The following FLRT2 variants were observed in gnomAD, a reference collection of about 807,000 sequenced individuals.
FLRT2 encodes fibronectin leucine rich transmembrane protein 2.
A neutral mutation model predicts 40.0 loss-of-function variants in FLRT2; 15 were observed. The observed-to-expected ratio is 0.38, with a 90% confidence interval of 0.25 to 0.58. FLRT2 has a LOEUF of 0.58. Among genes scored for constraint, FLRT2 ranks in the 20% least tolerant of loss-of-function variants. FLRT2 has a pLI of 0.71. For missense variants in FLRT2, 726 were observed against 840.0 expected (o/e 0.86, Z 1.68); for synonymous variants, 380 against 336.8 (o/e 1.13, Z -1.41).
intron 1 of FLRT2, among the ~76,000 whole-genome samples, chr14:85,542,798 G>A (rs984586): frequency 0.19 from 29,520 of 152,104 alleles, 3,325 homozygotes; most frequent in South Asian, 0.26. Context: ...GCAGACATCC[G>A]TTTGAGTCAC....
chr14:85,530,971 T>C (rs1187531681), intron 1 of FLRT2, among the ~76,000 whole-genome samples: 2 of 152,202 alleles, frequency 1.3e-5, no homozygotes. Context: ...CAGGCTGTTG[T>C]ATCTAAAGAC....
chr14:85,548,796 A>G (rs1440297831), intron 1 of FLRT2, among the ~76,000 whole-genome samples: 1 of 152,226 alleles, frequency 6.6e-6, no homozygotes, highest in Non-Finnish European at 1.5e-5. Context: ...CCCATGGCCC[A>G]AAGTGAGAAC....
chr14:85,587,086 C>T (rs4377090), intron 1 of FLRT2, among the ~76,000 whole-genome samples: 3 of 152,112 alleles, frequency 2.0e-5, no homozygotes, highest in Non-Finnish European at 2.9e-5. Flanking sequence ...TTGGCTCTAT[C>T]TAAGACAAAG....
At position 85,635,299 on chromosome 14, in the gene FLRT2, G is replaced by A. The variant is rs1450947579; in HGVS notation, c.*11802G>A. On this transcript the variant is annotated 3_prime_UTR_variant, in exon 2 of 2. Transcript: ENST00000330753. Reference sequence around the variant, plus strand: ...GATAATTTATATCATCTTCACTTCAGTGGTTGGCATATATTCAAACCCATT... The same window carrying A: ...GATAATTTATATCATCTTCACTTCAATGGTTGGCATATATTCAAACCCATT... 6.6e-6 allele frequency: 1 copy of A among 152,002 alleles called. No individual in the cohort carries two copies. The highest frequency in any genetic ancestry group is 1.9e-4 in the East Asian group (1 of 5,194). 9.4% of individuals were successfully genotyped at this position (152,002 alleles called of 1,614,324 possible). A position where few individuals can be genotyped will look rare whatever the true frequency, so the allele number is the denominator to read the frequency against.
chr14:85,606,707 T>G (rs1456730873), intron 1 of FLRT2, among the ~76,000 whole-genome samples: 1 of 151,086 alleles, frequency 6.6e-6, no homozygotes, highest in Non-Finnish European at 1.5e-5. Flanking sequence ...GTATTTTTAG[T>G]GGAGACAGGG....
intron 1 of FLRT2, among the ~76,000 whole-genome samples, chr14:85,620,032 G>A (rs1893311480): frequency 6.6e-6 from 1 of 152,164 alleles, no homozygotes; most frequent in Admixed American, 6.5e-5. Context: ...ATCTCATCTG[G>A]ACCTAGAGGT....
intron 1 of FLRT2, among the ~76,000 whole-genome samples, chr14:85,550,743 T>A (rs1889571599): frequency 6.6e-6 from 1 of 151,474 alleles, no homozygotes; most frequent in Non-Finnish European, 1.5e-5. Context: ...ACATTTTTTT[T>A]AACTTAAAAC....
intron 1 of FLRT2, among the ~76,000 whole-genome samples, chr14:85,584,640 C>T (rs556057547): frequency 3.0e-4 from 46 of 152,296 alleles, no homozygotes; most frequent in African/African-American, 1.0e-3. Context: ...AGGTCCTGCC[C>T]GGGCTGAGCA....
chr14:85,554,033 G>A (rs1204751738), intron 1 of FLRT2, among the ~76,000 whole-genome samples: 4 of 152,154 alleles, frequency 2.6e-5, no homozygotes, highest in Non-Finnish European at 5.9e-5. Flanking sequence ...AAAATATGAA[G>A]CAAGGCCTCC....
chr14:85,642,132 C>CAAAAAAAAAAAAAA lies in FLRT2; in HGVS notation c.*18637_*18650dup. 7.8e-6 allele frequency: 1 copy of CAAAAAAAAAAAAAA among 128,760 alleles called. No homozygotes were observed. Among genetic ancestry groups the CAAAAAAAAAAAAAA allele is most frequent in the Admixed American group, 8.2e-5 (1 of 12,258 alleles). 8.0% of individuals were successfully genotyped at this position (128,760 alleles called of 1,614,324 possible). On this transcript the variant is annotated 3_prime_UTR_variant, in exon 2 of 2. Coordinates refer to ENST00000330753, the MANE Select transcript of FLRT2 (RefSeq NM_013231.6). ...CTTACAGTTTCAAGGTTGCTGTTGA[C>CAAAAAAAAAAAAAA]AAAAAAAAAAAAAAAGAAAGAAAGA... is the stretch of plus-strand genomic sequence containing the variant.
chr14:85,618,638 C>T (rs1409257790), intron 1 of FLRT2, among the ~76,000 whole-genome samples: 1 of 151,966 alleles, frequency 6.6e-6, no homozygotes, highest in African/African-American at 2.4e-5. Flanking sequence ...GACTGTCTCC[C>T]GGGGACAAAA....
intron 1 of FLRT2, among the ~76,000 whole-genome samples, chr14:85,605,718 C>T (rs1001624408): frequency 2.0e-5 from 3 of 152,130 alleles, no homozygotes; most frequent in Non-Finnish European, 4.4e-5. Flanking sequence ...GCCAGGATCA[C>T]ACCACTGCAC....
At chr14:85,537,840 G>A (rs1594985679) in intron 1 of FLRT2, among the ~76,000 whole-genome samples, 1 of 38,476 alleles carries the variant, frequency 2.6e-5, no homozygotes, top group Non-Finnish European at 7.8e-5. Context: ...GAACCTTCAT[G>A]TTTTGTTTTT....
At chr14:85,588,059 G>GT (rs1409796516) in intron 1 of FLRT2, among the ~76,000 whole-genome samples, 2 of 152,064 alleles carry the variant, frequency 1.3e-5, no homozygotes, top group Admixed American at 6.6e-5. Flanking sequence ...AGCCTCCCGA[G>GT]TGATATTTCA....
intron 1 of FLRT2, among the ~76,000 whole-genome samples, chr14:85,546,228 A>T (rs1388880086): frequency 2.0e-5 from 3 of 152,124 alleles, no homozygotes; most frequent in Non-Finnish European, 4.4e-5. Flanking sequence ...TGTAATTAAG[A>T]CCCTTCAGTT....
chr14:85,589,252 C>A (rs954475486), intron 1 of FLRT2, among the ~76,000 whole-genome samples: 4 of 152,212 alleles, frequency 2.6e-5, no homozygotes, highest in Non-Finnish European at 5.9e-5. Context: ...GTTCCCTTTT[C>A]TCTGCATACT....
In FLRT2 at chr14:85,648,937, G is replaced by A. The variant is rs1894369801; in HGVS notation, c.*25440G>A. 1 of 152,120 alleles carries A rather than the reference G, an allele frequency of 6.6e-6. No individual in the cohort carries two copies. The highest frequency in any genetic ancestry group is 1.5e-5 in the Non-Finnish European group (1 of 68,028). The allele number at this position is 152,120 out of a possible 1,614,324, so 9.4% of individuals were successfully genotyped here. A position where few individuals can be genotyped will look rare whatever the true frequency, so the allele number is the denominator to read the frequency against. On this transcript the variant is annotated 3_prime_UTR_variant, in exon 2 of 2. Coordinates refer to ENST00000330753, the MANE Select transcript of FLRT2 (RefSeq NM_013231.6). ...AATGAATAGATTTTAAACCATGTGT[G>A]AGCAGTCACAGAATTCACTGATCTA...
intron 1 of FLRT2, among the ~76,000 whole-genome samples, chr14:85,550,069 T>A (rs528259545): frequency 3.9e-5 from 6 of 152,114 alleles, no homozygotes; most frequent in African/African-American, 1.4e-4. Flanking sequence ...TTCAGCCATC[T>A]CTTCACCTCA....
chr14:85,596,188 G>GC (rs1892131042), intron 1 of FLRT2, among the ~76,000 whole-genome samples: 1 of 152,186 alleles, frequency 6.6e-6, no homozygotes, highest in Non-Finnish European at 1.5e-5. Context: ...GGAAACAGGC[G>GC]CCCCTGAACC....
Sources: allele counts gnomAD v4.1 joint callset (sites outside exome capture counted in the v4.1 genomes callset), GRCh38; gene constraint gnomAD v4.1.1; transcripts MANE v1.5; gene names NCBI Gene and HGNC (gene_info 2026-07-23, HGNC 2026-07-21).